The following TNNI3K variants were observed in gnomAD, a reference collection of about 807,000 sequenced individuals.
TNNI3K encodes TNNI3 interacting kinase.
A neutral mutation model predicts 114.5 loss-of-function variants in TNNI3K; 140 were observed. That is an observed-to-expected ratio of 1.22 (90% CI 1.07 to 1.41). TNNI3K has a LOEUF of 1.41. Among genes scored for constraint, TNNI3K ranks in the 40% most tolerant of loss-of-function variants. The probability of loss-of-function intolerance (pLI) is 0.00; values close to 1 mark genes in which losing one functional copy is unlikely to be tolerated. For missense variants in TNNI3K, 1,125 were observed against 1,007.6 expected, an observed-to-expected ratio of 1.12 and a Z score of -1.58; for synonymous variants, 347 against 347.5, an observed-to-expected ratio of 1.00 and a Z score of 0.02.
At chr1:74,362,669 C>A (rs910068762) in intron 11 of TNNI3K, among the ~76,000 whole-genome samples, 3 of 152,090 alleles carry the variant, frequency 2.0e-5, no homozygotes, top group Admixed American at 2.0e-4. Flanking sequence ...GTCTTTGTAA[C>A]AGTCTCTTGG....
intron 7 of TNNI3K, among the ~76,000 whole-genome samples, chr1:74,338,293 A>C (rs1660582334): frequency 6.6e-6 from 1 of 152,032 alleles, no homozygotes; most frequent in Non-Finnish European, 1.5e-5. Context: ...AAAGCTTTAG[A>C]ATACATAGAA....
rs536134351 is a variant in TNNI3K at position 74,336,249 on chromosome 1, C to A, written c.682+100C>A. 7.0e-4 allele frequency: 972 copies of A among 1,387,126 alleles called. 17 individuals are homozygous for A. In the South Asian group the frequency reaches 0.013, roughly 18 times the overall value. The allele number at this position is 1,387,126 out of a possible 1,614,324, so 85.9% of individuals were successfully genotyped here. A position where few individuals can be genotyped will look rare whatever the true frequency, so the allele number is the denominator to read the frequency against. On this transcript the variant is annotated intron_variant, in intron 7 of 24. Transcript: ENST00000326637. ...GAGAATAATCTTGAAGTTGACTAAT[C>A]CTGTAGTCATGTACTTATTTGCTCC...
At chr1:74,340,624 A>G (rs1660703963) in intron 7 of TNNI3K, among the ~76,000 whole-genome samples, 1 of 152,184 alleles carries the variant, frequency 6.6e-6, no homozygotes, top group Non-Finnish European at 1.5e-5. Context: ...GAAGTTTACT[A>G]ATTCAATTGG....
At chr1:74,431,131 T>G (rs2100653783) in intron 17 of TNNI3K, among the ~76,000 whole-genome samples, 1 of 152,224 alleles carries the variant, frequency 6.6e-6, no homozygotes, top group Non-Finnish European at 1.5e-5. Flanking sequence ...TCCATCTATC[T>G]CTTTTTCATT....
chr1:74,387,124 A>G (rs1435647788), intron 17 of TNNI3K, among the ~76,000 whole-genome samples: 1 of 152,212 alleles, frequency 6.6e-6, no homozygotes, highest in Non-Finnish European at 1.5e-5. Context: ...ATAATTTCCT[A>G]TGCTTACCTT....
rs200488323 is a variant in TNNI3K at position 74,271,704 on chromosome 1, T to A, written c.440T>A (p.Leu147Gln). The A allele has an allele frequency of 6.2e-7, 1 of 1,605,666 alleles. No individual in the cohort carries two copies. Among genetic ancestry groups the A allele is most frequent in the African/African-American group, 1.3e-5 (1 of 74,596 alleles). The change falls in exon 5 of 25, where the codon CTA becomes CAA. Residue 147 changes from leucine to glutamine, a missense_variant. Leu to Gln is a moderately radical substitution (Grantham distance 113, BLOSUM62 -2). Transcript: ENST00000326637. ...CATATTGCTACAATAGCTGGCCACC[T>A]AGAGGTAAGTCATGCCTTTGGCACC... ...ALHIATIAGH[L>Q]EAADVLLQHG... is the part of the protein sequence containing the mutation.
intron 9 of TNNI3K, among the ~76,000 whole-genome samples, chr1:74,351,567 A>C (rs1661343564): frequency 6.6e-6 from 1 of 152,140 alleles, no homozygotes; most frequent in African/African-American, 2.4e-5. Flanking sequence ...AGTGTTTTCC[A>C]ACTTGGTTCC....
chr1:74,401,403 GT>G (rs1664357577), intron 17 of TNNI3K, among the ~76,000 whole-genome samples: 1 of 152,092 alleles, frequency 6.6e-6, no homozygotes, highest in African/African-American at 2.4e-5. Context: ...TTATTTACAA[GT>G]GGTATTGAAT....
intron 9 of TNNI3K, among the ~76,000 whole-genome samples, chr1:74,346,836 G>A (rs1489844733): frequency 6.6e-6 from 1 of 151,652 alleles, no homozygotes; most frequent in Non-Finnish European, 1.5e-5. Flanking sequence ...CCCTTGGCTT[G>A]CAGATGGCTG....
At chr1:74,400,401 ACCTAGG>A (rs1266441827) in intron 17 of TNNI3K, among the ~76,000 whole-genome samples, 2 of 152,200 alleles carry the variant, frequency 1.3e-5, no homozygotes, top group Admixed American at 6.5e-5. Flanking sequence ...GGATGTAAAT[ACCTAGG>A]TTGAATGGTC....
chr1:74,274,609 A>T lies in TNNI3K; in HGVS notation c.444+2901A>T, dbSNP rs45549631. 1.5e-3 allele frequency among the ~76,000 whole-genome samples: 222 copies of T among 152,208 alleles called. 2 individuals carry two copies. Among genetic ancestry groups the T allele is most frequent in the African/African-American group, 5.1e-3 (210 of 41,552 alleles). ...AATAAATATGCAGAAAAAATATATA[A>T]GCAATTCAAATGTAAAACAGCAATA... On this transcript the variant is annotated intron_variant, in intron 5 of 24. Coordinates refer to ENST00000326637, the MANE Select transcript of TNNI3K (RefSeq NM_015978.3).
At position 74,354,101 on chromosome 1, in the gene TNNI3K, G is replaced by A. The variant is rs1661533707; in HGVS notation, c.1149G>A (p.Gln383=). The change falls in exon 11 of 25, where the codon CAG becomes CAA. Residue 383 remains glutamine, a synonymous_variant. Transcript: ENST00000326637. ...GGTCTAGTGGTGAAAAAGATGAGCA[G>A]ACATGTTTGATGTGGGCTTATGAAA... ...PSRSSGEKDE[Q]TCLMWAYEKG... The A allele has an allele frequency of 1.2e-6, 2 of 1,614,032 alleles. No individual in the cohort carries two copies. Among genetic ancestry groups the A allele is most frequent in the Non-Finnish European group, 1.7e-6 (2 of 1,179,970 alleles).
intron 17 of TNNI3K, among the ~76,000 whole-genome samples, chr1:74,407,240 G>A (rs1332422622): frequency 6.6e-6 from 1 of 152,068 alleles, no homozygotes; most frequent in African/African-American, 2.4e-5. Flanking sequence ...GTCTACCAGG[G>A]GCTTCTAAGA....
chr1:74,301,663 G>A (rs555699078), intron 5 of TNNI3K, among the ~76,000 whole-genome samples: 2 of 152,230 alleles, frequency 1.3e-5, no homozygotes, highest in East Asian at 3.9e-4. Flanking sequence ...CAAAATCTAT[G>A]TTCTTTTCTT....
At chr1:74,367,793 G>A (rs760476139) in intron 12 of TNNI3K, 115 bp from the exon 13 acceptor site, 2 of 934,522 alleles carry the variant, frequency 2.1e-6, no homozygotes, top group Non-Finnish European at 3.2e-6. Flanking sequence ...AAAGATTTGG[G>A]CCTGAAGCGA....
intron 21 of TNNI3K, chr1:74,475,231 G>T (rs1192292153): frequency 1.6e-6 from 1 of 612,844 alleles, no homozygotes; most frequent in African/African-American, 1.9e-5. Flanking sequence ...AATTAAAGGA[G>T]GGAGGCTCCC....
chr1:74,291,581 G>A (rs1259847998), intron 5 of TNNI3K, among the ~76,000 whole-genome samples: 1 of 151,398 alleles, frequency 6.6e-6, no homozygotes, highest in African/African-American at 2.4e-5. Context: ...GCTAGTAAGT[G>A]GTGTAGATTA....
At chr1:74,364,553 G>GC (rs1461848708) in intron 11 of TNNI3K, among the ~76,000 whole-genome samples, 1 of 151,538 alleles carries the variant, frequency 6.6e-6, no homozygotes, top group Non-Finnish European at 1.5e-5. Context: ...GTAGAGTAAT[G>GC]CCCCCCGCCA....
chr1:74,296,646 G>GA (rs898212655), intron 5 of TNNI3K, among the ~76,000 whole-genome samples: 25 of 149,954 alleles, frequency 1.7e-4, no homozygotes, highest in Non-Finnish European at 2.8e-4. Context: ...TTGCTTGTTA[G>GA]AAAAAAAAAT....
Sources: gnomAD v4.1 joint callset for allele counts (sites outside exome capture counted in the v4.1 genomes callset) on GRCh38, gnomAD v4.1.1 for gene constraint, MANE v1.5 for transcripts, NCBI Gene and HGNC (gene_info 2026-07-23, HGNC 2026-07-21) for gene names.